Variants in COX17 observed in about 807,000 individuals in gnomAD.
COX17 encodes the protein cytochrome c oxidase copper chaperone.
COX17 carries 1 observed loss-of-function variant against 6.3 expected under a neutral mutation model. That is an observed-to-expected ratio of 0.16 (90% CI 0.06 to 0.75). The LOEUF (loss-of-function observed/expected upper bound fraction) is 0.75. Ranked by LOEUF, COX17 falls within the 30% of genes least tolerant of loss-of-function variation. COX17 has a pLI of 0.77. For synonymous variants in COX17, 26 were observed against 30.5 expected, an observed-to-expected ratio of 0.85 and a Z score of 0.49; for missense variants, 73 against 81.2, an observed-to-expected ratio of 0.90 and a Z score of 0.39.
At chr3:119,677,175 G>C in intron 1 of COX17, 29 bp downstream of exon 1, 2 of 1,579,084 alleles carry the variant, frequency 1.3e-6, no homozygotes, top group Non-Finnish European at 1.7e-6. Context: ...GGGGCTCGTC[G>C]GCCGCGCCCT....
chr3:119,672,255 T>C (rs1221451407), intron 2 of COX17, among the ~76,000 whole-genome samples: 1 of 152,210 alleles, frequency 6.6e-6, no homozygotes, highest in Non-Finnish European at 1.5e-5. Flanking sequence ...AAGCAGTAGA[T>C]TTTCTAAGTC....
intron 2 of COX17, among the ~76,000 whole-genome samples, 183 bp downstream of exon 2, chr3:119,674,962 C>T (rs537851060): frequency 2.0e-4 from 31 of 152,278 alleles, no homozygotes; most frequent in Middle Eastern, 3.4e-3. Flanking sequence ...TTCCCCAATC[C>T]GCTAAATGAC....
chr3:119,665,961 G>A (rs140610768), downstream of COX17, among the ~76,000 whole-genome samples: 3 of 152,346 alleles, frequency 2.0e-5, no homozygotes, highest in East Asian at 5.8e-4. Context: ...AGCAAACTAT[G>A]AGAGGAATTC....
At chr3:119,674,020 GC>G (rs974450362) in intron 2 of COX17, among the ~76,000 whole-genome samples, 3 of 151,566 alleles carry the variant, frequency 2.0e-5, no homozygotes, top group Non-Finnish European at 4.4e-5. Context: ...CCCGGCTGCT[GC>G]CCCGTCTGGG....
downstream of COX17, among the ~76,000 whole-genome samples, chr3:119,666,663 G>C (rs950492786): frequency 1.9e-4 from 29 of 152,220 alleles, no homozygotes; most frequent in African/African-American, 6.7e-4. Context: ...TAAGCTCTTT[G>C]AGGGTAGAGT....
chr3:119,677,115 GAGGGCAGAGGCCGT>G (rs373100398), intron 1 of COX17, 75 bp downstream of exon 1: 25,109 of 988,118 alleles, frequency 0.025, 389 homozygotes, highest in Middle Eastern at 0.061. Context: ...GCAGAAGGCA[GAGGGCAGAGGCCGT>G]AGGGCAGAGG....
rs10542008 is a variant in COX17 at position 119,670,752 on chromosome 3, TTGTGTGTGTGTGTGTG to T, written c.*5-1103_*5-1088del. 5.3e-5 allele frequency among the ~76,000 whole-genome samples: 8 copies of T among 149,716 alleles called. No homozygotes were observed. The East Asian group carries it at 7.8e-4, about 15-fold the overall frequency. ...GGGATATTTTCATACATGATCAGTT[TTGTGTGTGTGTGTGTG>T]TGTGTGTGTGTGTGTGTGTACAATT... On this transcript the variant is annotated intron_variant, in intron 2 of 2. Transcript: ENST00000261070.
intron 1 of COX17, among the ~76,000 whole-genome samples, chr3:119,676,048 T>C (rs906395658): frequency 6.6e-6 from 1 of 152,256 alleles, no homozygotes; most frequent in Non-Finnish European, 1.5e-5. Flanking sequence ...TTTATTGCCA[T>C]GTATACTGTG....
At chr3:119,676,964 A>T in intron 1 of COX17, 1 of 633,650 alleles carries the variant, frequency 1.6e-6, no homozygotes, top group Non-Finnish European at 2.9e-6. Context: ...CCGACCACGA[A>T]ACCTACAAGG....
chr3:119,676,734 G>A, intron 1 of COX17: 1 of 672,460 alleles, frequency 1.5e-6, no homozygotes, highest in South Asian at 1.6e-5. Context: ...CCCTTACCAC[G>A]TCGTATACAA....
intron 2 of COX17, among the ~76,000 whole-genome samples, chr3:119,670,112 G>A (rs2053029672): frequency 6.6e-6 from 1 of 152,096 alleles, no homozygotes; most frequent in Non-Finnish European, 1.5e-5. Context: ...AGTACCCAAG[G>A]CACTTCCTGT....
At position 119,669,614 on chromosome 3, in the gene COX17, A is replaced by C. The variant is rs1577178706; in HGVS notation, c.*56T>G. On this transcript the variant is annotated 3_prime_UTR_variant, in exon 3 of 3. Transcript: ENST00000261070. The stretch of plus-strand genomic sequence containing the variant: ...TATCAAAGTTCGTCAAAGAACTCCC[A>C]AAATTAATCTTCTTCATTCTTCAGG... 2 of 152,456 alleles carry C rather than the reference A, an allele frequency of 1.3e-5. No individual in the cohort carries two copies. The highest frequency in any genetic ancestry group is 4.1e-4 in the South Asian group (2 of 4,830). The allele number at this position is 152,456 out of a possible 1,614,324, so 9.4% of individuals were successfully genotyped here. A position where few individuals can be genotyped will look rare whatever the true frequency, so the allele number is the denominator to read the frequency against.
At chr3:119,670,498 A>G (rs2053032872) in intron 2 of COX17, among the ~76,000 whole-genome samples, 1 of 152,196 alleles carries the variant, frequency 6.6e-6, no homozygotes, top group Admixed American at 6.5e-5. Context: ...TCAACCTTTC[A>G]ATTATAGCAG....
chr3:119,677,290 TGA>T lies in COX17; in HGVS notation c.19_20del (p.Ser7LysfsTer6), dbSNP rs2053116004. 6.2e-7 allele frequency: 1 copy of T among 1,611,782 alleles called. No homozygotes were observed. The highest frequency in any genetic ancestry group is 8.5e-7 in the Non-Finnish European group (1 of 1,179,920). On this transcript the variant is annotated frameshift_variant, in exon 1 of 3. Coordinates refer to ENST00000261070, the MANE Select transcript of COX17 (RefSeq NM_005694.2). LOFTEE classifies it high-confidence loss of function. Reference sequence around the variant, plus strand: ...CCTGAGACTCAGGCGGGGCAGGGTTTGAGTCAACCAGACCCGGCATCTTTCGC... The same window carrying T: ...CCTGAGACTCAGGCGGGGCAGGGTTTGTCAACCAGACCCGGCATCTTTCGC... The part of the protein sequence containing the change: MPGLVD[S>X]NPAPPESQEK...
intron 2 of COX17, among the ~76,000 whole-genome samples, chr3:119,672,717 A>G (rs1031587944): frequency 6.6e-6 from 1 of 152,256 alleles, no homozygotes; most frequent in African/African-American, 2.4e-5. Context: ...TATCATTTAC[A>G]CAACAGTAGA....
At chr3:119,673,348 G>A (rs934873247) in intron 2 of COX17, among the ~76,000 whole-genome samples, 3 of 152,130 alleles carry the variant, frequency 2.0e-5, no homozygotes, top group Non-Finnish European at 4.4e-5. Flanking sequence ...CTTTCTCAGA[G>A]CTTACATTCT....
intron 1 of COX17, chr3:119,675,502 G>A: frequency 2.7e-6 from 1 of 376,296 alleles, no homozygotes; most frequent in Non-Finnish European, 4.9e-6. Flanking sequence ...CAATATCCAA[G>A]GAGTAACACT....
At chr3:119,676,144 T>C (rs1438035939) in intron 1 of COX17, among the ~76,000 whole-genome samples, 1 of 152,234 alleles carries the variant, frequency 6.6e-6, no homozygotes. Context: ...TACAGACACA[T>C]GAGGCTCAAG....
intron 2 of COX17, among the ~76,000 whole-genome samples, chr3:119,672,150 G>A (rs745570428): frequency 2.0e-5 from 3 of 152,122 alleles, no homozygotes; most frequent in Non-Finnish European, 4.4e-5. Context: ...ACAACTCTAT[G>A]AAGTAGTTTG....
Sources: gnomAD v4.1 joint callset for allele counts (sites outside exome capture counted in the v4.1 genomes callset) on GRCh38, gnomAD v4.1.1 for gene constraint, MANE v1.5 for transcripts, NCBI Gene and HGNC (gene_info 2026-07-23, HGNC 2026-07-21) for gene names.